The following SYK variants were observed in gnomAD, a reference collection of about 807,000 sequenced individuals.
The protein encoded by SYK is spleen associated tyrosine kinase, also known as tyrosine-protein kinase SYK.
In SYK, 16 loss-of-function variants were observed where a neutral mutation model predicts 77.8. The ratio of observed to expected loss-of-function variants is 0.21; its 90% CI spans 0.14 to 0.31. SYK has a LOEUF of 0.31. Among genes scored for constraint, SYK ranks in the 10% least tolerant of loss-of-function variants. The pLI is 1.00. For synonymous variants in SYK, 312 were observed against 308.7 expected (o/e 1.01, Z -0.11); for missense variants, 529 against 814.4 (o/e 0.65, Z 4.26).
chr9:90,889,159 C>T (rs1828692958), intron 13 of SYK, among the ~76,000 whole-genome samples: 1 of 152,208 alleles, frequency 6.6e-6, no homozygotes, highest in Non-Finnish European at 1.5e-5. Flanking sequence ...CTTAGTGGAT[C>T]CCAGGTGCTG....
At chr9:90,833,196 A>T (rs1825956631) in intron 1 of SYK, among the ~76,000 whole-genome samples, 1 of 152,212 alleles carries the variant, frequency 6.6e-6, no homozygotes, top group African/African-American at 2.4e-5. Context: ...AAGGGATGGG[A>T]GTACCAGGAA....
At chr9:90,815,558 G>A (rs1014211890) in intron 1 of SYK, among the ~76,000 whole-genome samples, 1 of 152,224 alleles carries the variant, frequency 6.6e-6, no homozygotes, top group Non-Finnish European at 1.5e-5. Flanking sequence ...GTGCAGTCAC[G>A]TGCTGCCCTC....
intron 11 of SYK, among the ~76,000 whole-genome samples, chr9:90,884,164 C>T (rs62554370): frequency 0.28 from 18,801 of 68,310 alleles, 3,246 homozygotes; most frequent in East Asian, 0.48. Context: ...TATATATACA[C>T]ACATACACAT....
chr9:90,875,142 T>C (rs2118872588), intron 9 of SYK, among the ~76,000 whole-genome samples: 1 of 152,212 alleles, frequency 6.6e-6, no homozygotes, highest in South Asian at 2.1e-4. Context: ...CTCATGCCTG[T>C]AATCTTAGCA....
intron 3 of SYK, among the ~76,000 whole-genome samples, chr9:90,854,009 G>C (rs151110452): frequency 6.6e-6 from 1 of 152,148 alleles, no homozygotes; most frequent in Non-Finnish European, 1.5e-5. Flanking sequence ...GGTGGATGCC[G>C]AGTGGGTGTG....
chr9:90,835,488 T>G (rs142163790), intron 1 of SYK, among the ~76,000 whole-genome samples: 1 of 152,270 alleles, frequency 6.6e-6, no homozygotes, highest in African/African-American at 2.4e-5. Flanking sequence ...AAGAATGCAT[T>G]GACTTGGAGT....
At chr9:90,805,136 T>A (rs1824768776) in intron 1 of SYK, among the ~76,000 whole-genome samples, 1 of 152,222 alleles carries the variant, frequency 6.6e-6, no homozygotes, top group Non-Finnish European at 1.5e-5. Context: ...TTCTTTTCTT[T>A]CTGGGACACC....
chr9:90,878,979 G>C, intron 11 of SYK, 26 bp downstream of exon 11: 3 of 1,515,254 alleles, frequency 2.0e-6, no homozygotes, highest in Non-Finnish European at 2.7e-6. Flanking sequence ...CTAATATTCA[G>C]AGCAGCAGGT....
chr9:90,890,225 T>C (rs1292506814), intron 13 of SYK, among the ~76,000 whole-genome samples: 1 of 152,190 alleles, frequency 6.6e-6, no homozygotes, highest in Non-Finnish European at 1.5e-5. Context: ...CCCAGGTGGG[T>C]GCAGTGAGGC....
chr9:90,822,055 A>G (rs1825538032), intron 1 of SYK, among the ~76,000 whole-genome samples: 2 of 151,852 alleles, frequency 1.3e-5, no homozygotes, highest in Non-Finnish European at 2.9e-5. Context: ...TCTCAGGCAC[A>G]TAACCCCTGA....
intron 1 of SYK, among the ~76,000 whole-genome samples, chr9:90,839,711 G>T (rs1163418177): frequency 6.6e-6 from 1 of 152,180 alleles, no homozygotes; most frequent in Non-Finnish European, 1.5e-5. Flanking sequence ...AGCTGATGGT[G>T]CAGTCTGCTG....
intron 7 of SYK, among the ~76,000 whole-genome samples, chr9:90,873,069 AAAG>A (rs1341651604): frequency 3.9e-5 from 6 of 152,218 alleles, no homozygotes; most frequent in African/African-American, 2.4e-5. Context: ...AGACCGTGTG[AAAG>A]AAGAAGGTCC....
intron 11 of SYK, among the ~76,000 whole-genome samples, chr9:90,880,841 C>G (rs1428223160): frequency 1.3e-5 from 2 of 152,248 alleles, no homozygotes; most frequent in African/African-American, 2.4e-5. Context: ...TACTCAGCCA[C>G]TGAGCAGCTG....
intron 2 of SYK, among the ~76,000 whole-genome samples, chr9:90,844,760 A>G (rs1826518497): frequency 6.6e-6 from 1 of 152,148 alleles, no homozygotes; most frequent in African/African-American, 2.4e-5. Flanking sequence ...ATCACCTGCT[A>G]TGCACCACAA....
chr9:90,865,044 C>A lies in SYK; in HGVS notation c.797-4C>A, dbSNP rs762079822. ...CAGTAATTGTCCATGCTCTCTCTAA[C>A]CAGGAAATGTTAATTTTGGAGGCCG... On this transcript the variant is annotated splice_polypyrimidine_tract_variant and splice_region_variant and intron_variant, in intron 5 of 13. Transcript: ENST00000375754. The A allele has an allele frequency of 2.2e-5, 36 of 1,614,000 alleles. No individual in the cohort carries two copies. The South Asian group carries it at 3.4e-4, about 15-fold the overall frequency.
rs1828950302 is a variant in SYK at position 90,895,540 on chromosome 9, G to A, written c.1848G>A (p.Arg616=). Residue 616 remains arginine, a synonymous_variant, in exon 14 of 14, where the codon AGG becomes AGA. Transcript: ENST00000375754. This position sits in a 1 kb window ranked among gnomAD's most constrained non-coding sequence, Gnocchi z 4.4. ...NLCWTYDVEN[R]PGFAAVELRL... is the part of the protein sequence containing the mutation. ...TCTTCCATTCCAGTGTGGAAAACAG[G>A]CCCGGATTCGCAGCAGTGGAACTGC... 1.9e-6 allele frequency: 3 copies of A among 1,613,960 alleles called. No homozygotes were observed. The highest frequency in any genetic ancestry group is 2.5e-6 in the Non-Finnish European group (3 of 1,180,010).
At chr9:90,828,547 C>G (rs1207287524) in intron 1 of SYK, among the ~76,000 whole-genome samples, 1 of 152,102 alleles carries the variant, frequency 6.6e-6, no homozygotes, top group South Asian at 2.1e-4. Flanking sequence ...ATATGCGCCC[C>G]ACACCGCTGG....
intron 4 of SYK, among the ~76,000 whole-genome samples, chr9:90,863,044 A>C (rs117626018): frequency 0.014 from 2,106 of 152,266 alleles, 16 homozygotes; most frequent in Middle Eastern, 0.037. Flanking sequence ...AACAACTCCC[A>C]ATTTGGAAGT....
At chr9:90,832,206 C>A (rs1285698354) in intron 1 of SYK, among the ~76,000 whole-genome samples, 2 of 152,042 alleles carry the variant, frequency 1.3e-5, no homozygotes, top group African/African-American at 4.8e-5. Flanking sequence ...TAGAGCATAA[C>A]TATTGTGAAT....
Sources: gnomAD v4.1 joint callset for allele counts (sites outside exome capture counted in the v4.1 genomes callset) on GRCh38, gnomAD v4.1.1 for gene constraint, Gnocchi (gnomAD v3.1) non-coding constraint, MANE v1.5 for transcripts, NCBI Gene and HGNC (gene_info 2026-07-23, HGNC 2026-07-21) for gene names.